BACE2: variants seen among roughly 807,000 people sequenced by gnomAD.
BACE2 encodes the protein 56 kDa aspartic-like protease.
A neutral mutation model predicts 46.2 loss-of-function variants in BACE2; 17 were observed. That is an observed-to-expected ratio of 0.37 (90% CI 0.25 to 0.55). BACE2 has a LOEUF of 0.55. BACE2 is among the 20% of genes least tolerant of loss of function. The pLI, the probability that BACE2 is intolerant of heterozygous loss-of-function variation, is 0.82. For synonymous variants in BACE2, 277 were observed against 295.9 expected (o/e 0.94, Z 0.66); for missense variants, 595 against 698.1 (o/e 0.85, Z 1.66).
chr21:41,177,933 C>T (rs1984919916), intron 1 of BACE2: 1 of 152,238 alleles, frequency 6.6e-6, no homozygotes, highest in Admixed American at 6.5e-5. Flanking sequence ...GGCAAACAGA[C>T]CTGGCTCCAT....
At chr21:41,250,641 A>T (rs1601308571) in intron 6 of BACE2, 111 bp from the exon 7 acceptor site, 1 of 929,946 alleles carries the variant, frequency 1.1e-6, no homozygotes, top group East Asian at 2.4e-5. Context: ...TCCAAATTAA[A>T]CATTGTTTAT....
intron 1 of BACE2, among the ~76,000 whole-genome samples, chr21:41,169,799 T>C (rs2123479728): frequency 6.6e-6 from 1 of 152,324 alleles, no homozygotes; most frequent in Non-Finnish European, 1.5e-5. Flanking sequence ...TTGATTCTAG[T>C]TGCCTTTCGT....
At chr21:41,195,008 C>T (rs1387478512) in intron 1 of BACE2, among the ~76,000 whole-genome samples, 1 of 152,206 alleles carries the variant, frequency 6.6e-6, no homozygotes, top group African/African-American at 2.4e-5. Context: ...GGGTCAAGGC[C>T]TTCACCATGA....
At chr21:41,179,812 G>T in intron 1 of BACE2, 1 of 481,432 alleles carries the variant, frequency 2.1e-6, no homozygotes, top group Non-Finnish European at 3.7e-6. Context: ...ACAGTGTCCT[G>T]GGCTGCTTTC....
intron 1 of BACE2, among the ~76,000 whole-genome samples, chr21:41,170,596 T>C (rs1445595912): frequency 2.0e-5 from 3 of 152,228 alleles, no homozygotes; most frequent in Non-Finnish European, 4.4e-5. Flanking sequence ...GAAATGTCTC[T>C]GACCACCAGC....
chr21:41,267,378 C>T (rs563849356), intron 8 of BACE2, among the ~76,000 whole-genome samples: 6 of 152,210 alleles, frequency 3.9e-5, no homozygotes, highest in African/African-American at 1.4e-4. Flanking sequence ...CCTACGGCTA[C>T]GAAAATAATA....
In BACE2 at chr21:41,257,077, GC is replaced by G; in HGVS notation, c.1135-80del. 2.6e-6 allele frequency: 4 copies of G among 1,542,062 alleles called. No homozygotes were observed. The South Asian group carries it at 3.5e-5, about 14-fold the overall frequency. On this transcript the variant is annotated intron_variant, in intron 7 of 8. Transcript: ENST00000330333. ...CAGCGCCTGGGAGGGTCCTGAGCAT[GC>G]GTGTGACCTCAGCAATTTTGTGATA...
chr21:41,179,466 G>T, intron 1 of BACE2: 2 of 1,334,644 alleles, frequency 1.5e-6, no homozygotes, highest in Non-Finnish European at 2.0e-6. Flanking sequence ...GGTGTCCAGG[G>T]TGCAGAGTGA....
intron 1 of BACE2, among the ~76,000 whole-genome samples, chr21:41,197,266 G>GTTT (rs57910664): frequency 3.9e-4 from 57 of 144,728 alleles, no homozygotes; most frequent in Non-Finnish European, 5.5e-4. Flanking sequence ...AGCCAGCCAG[G>GTTT]TTTTTTTTGT....
At chr21:41,250,928 CT>C in intron 7 of BACE2, 27 bp downstream of exon 7, 4 of 1,609,934 alleles carry the variant, frequency 2.5e-6, no homozygotes, top group Non-Finnish European at 2.5e-6. Flanking sequence ...GTGCTTTGCT[CT>C]TTTTATCATG....
chr21:41,267,182 C>A (rs1046905284), intron 8 of BACE2, among the ~76,000 whole-genome samples: 2 of 152,088 alleles, frequency 1.3e-5, no homozygotes, highest in African/African-American at 4.8e-5. Context: ...AAAAAGTTCC[C>A]CAGATGCTTC....
At chr21:41,270,999 AC>A (rs778991144) in intron 8 of BACE2, among the ~76,000 whole-genome samples, 50 of 152,346 alleles carry the variant, frequency 3.3e-4, no homozygotes, top group African/African-American at 5.1e-4. Context: ...AGGTAAAAAA[AC>A]ATTAGGATTT....
chr21:41,242,732 T>A (rs1173025158), intron 4 of BACE2, among the ~76,000 whole-genome samples: 1 of 152,166 alleles, frequency 6.6e-6, no homozygotes, highest in East Asian at 1.9e-4. Flanking sequence ...TCAGTGTGGT[T>A]AACTGTTTTA....
At chr21:41,228,960 C>G (rs1455442346) in intron 2 of BACE2, among the ~76,000 whole-genome samples, 3 of 152,150 alleles carry the variant, frequency 2.0e-5, no homozygotes, top group African/African-American at 7.2e-5. Context: ...CTCATATGAT[C>G]CAGCAGATTT....
At chr21:41,241,144 C>A (rs1054024269) in intron 3 of BACE2, among the ~76,000 whole-genome samples, 3 of 152,162 alleles carry the variant, frequency 2.0e-5, no homozygotes, top group Non-Finnish European at 4.4e-5. Flanking sequence ...CCCTTTGAGT[C>A]TCTCTGGAGA....
At chr21:41,244,379 CA>C (rs994314560) in intron 5 of BACE2, among the ~76,000 whole-genome samples, 4 of 152,062 alleles carry the variant, frequency 2.6e-5, no homozygotes, top group East Asian at 1.9e-4. Flanking sequence ...TGAAGGGAGA[CA>C]GGGGTGGGTC....
intron 1 of BACE2, among the ~76,000 whole-genome samples, chr21:41,225,174 C>T (rs759142701): frequency 6.0e-5 from 9 of 150,918 alleles, no homozygotes; most frequent in Admixed American, 4.6e-4. Flanking sequence ...GCAGAGTTTG[C>T]ACTGAGCCGA....
chr21:41,233,981 C>T (rs1014085528), intron 2 of BACE2, among the ~76,000 whole-genome samples: 3 of 152,164 alleles, frequency 2.0e-5, no homozygotes, highest in Non-Finnish European at 4.4e-5. Context: ...AACGATTACT[C>T]TACCAGACCA....
chr21:41,220,010 C>T (rs1986591553), intron 1 of BACE2, among the ~76,000 whole-genome samples: 1 of 152,188 alleles, frequency 6.6e-6, no homozygotes, highest in South Asian at 2.1e-4. Context: ...TTGCGAGCTC[C>T]GGGTCATTGC....
Sources: allele counts gnomAD v4.1 joint callset (sites outside exome capture counted in the v4.1 genomes callset), GRCh38; gene constraint gnomAD v4.1.1; transcripts MANE v1.5; gene names NCBI Gene and HGNC (gene_info 2026-07-23, HGNC 2026-07-21).